Variants in DLGAP2 observed in about 807,000 individuals in gnomAD.
DLGAP2 encodes DLG associated protein 2.
Under a neutral mutation model 100.3 loss-of-function variants are expected in DLGAP2, and 26 were observed. The observed-to-expected ratio is 0.26, with a 90% confidence interval of 0.19 to 0.36. DLGAP2 has a LOEUF of 0.36. Among genes scored for constraint, DLGAP2 ranks in the 10% least tolerant of loss-of-function variants. DLGAP2 has a pLI of 1.00. For synonymous variants in DLGAP2, 886 were observed against 630.1 expected, an observed-to-expected ratio of 1.41 and a Z score of -6.08; for missense variants, 1,858 against 1,453.2, an observed-to-expected ratio of 1.28 and a Z score of -4.53.
intron 4 of DLGAP2, among the ~76,000 whole-genome samples, chr8:1,540,609 C>A (rs138060337): frequency 2.8e-4 from 42 of 152,316 alleles, no homozygotes; most frequent in African/African-American, 1.0e-3. Context: ...TCGGGTGTGG[C>A]TGCACAGCTC....
chr8:1,700,560 T>A (rs1799538048), intron 14 of DLGAP2, among the ~76,000 whole-genome samples: 1 of 152,232 alleles, frequency 6.6e-6, no homozygotes, highest in Admixed American at 6.5e-5. Context: ...CATACACGTA[T>A]TTTAGCGTGA....
At chr8:1,365,993 C>T (rs1357511216) in intron 3 of DLGAP2, among the ~76,000 whole-genome samples, 1 of 152,220 alleles carries the variant, frequency 6.6e-6, no homozygotes. Context: ...GGGAAACCTC[C>T]CCTCACGGCA....
At chr8:1,550,198 C>A (rs1801714829) in intron 5 of DLGAP2, among the ~76,000 whole-genome samples, 1 of 152,182 alleles carries the variant, frequency 6.6e-6, no homozygotes. Flanking sequence ...GGCAGATCTC[C>A]TTCTTTCAAA....
intron 3 of DLGAP2, among the ~76,000 whole-genome samples, chr8:1,449,937 C>T (rs74197563): frequency 2.3e-5 from 3 of 129,068 alleles, no homozygotes; most frequent in African/African-American, 6.2e-5. Context: ...GTGGCTGAGG[C>T]GGAGCTGTGA....
At chr8:785,390 C>T (rs1368936813) in intron 1 of DLGAP2, among the ~76,000 whole-genome samples, 1 of 149,934 alleles carries the variant, frequency 6.7e-6, no homozygotes, top group African/African-American at 2.4e-5. Context: ...CCCTCTGAGA[C>T]CGGCTTCTCT....
rs907358602 is a variant in DLGAP2, at chr8:1,701,448, C to T, written c.*42C>T. 5.8e-6 allele frequency: 9 copies of T among 1,539,132 alleles called. No individual in the cohort carries two copies. The highest frequency in any genetic ancestry group is 4.1e-5 in the African/African-American group (3 of 72,750). The stretch of plus-strand genomic sequence containing the variant: ...CTTCCCCTCGTCGCTTCCGCTTTCC[C>T]GGACGCTTGTGCAGCGCGGCGCCGC... On this transcript the variant is annotated 3_prime_UTR_variant, in exon 15 of 15. Coordinates refer to ENST00000637795, the MANE Select transcript of DLGAP2 (RefSeq NM_001346810.2).
intron 3 of DLGAP2, among the ~76,000 whole-genome samples, chr8:1,290,395 G>A (rs1800032533): frequency 6.6e-6 from 1 of 152,106 alleles, no homozygotes; most frequent in Admixed American, 6.5e-5. Context: ...TTGAACATCG[G>A]GCTGTCTGAC....
intron 3 of DLGAP2, among the ~76,000 whole-genome samples, chr8:1,417,732 GAA>G (rs1796970761): frequency 3.6e-4 from 5 of 13,864 alleles, no homozygotes; most frequent in Non-Finnish European, 6.4e-4. Context: ...TCCAGACACA[GAA>G]GCCCACGGAG....
chr8:1,234,649 C>T (rs943778100), intron 2 of DLGAP2, among the ~76,000 whole-genome samples: 1 of 152,174 alleles, frequency 6.6e-6, no homozygotes, highest in East Asian at 1.9e-4. Flanking sequence ...AATCCCGTCT[C>T]TGGAACAGAT....
chr8:1,377,035 G>A (rs563360130), intron 3 of DLGAP2, among the ~76,000 whole-genome samples: 12 of 152,338 alleles, frequency 7.9e-5, no homozygotes, highest in Admixed American at 2.6e-4. Flanking sequence ...GTTACTGTGC[G>A]CGGTCCCTGG....
intron 2 of DLGAP2, among the ~76,000 whole-genome samples, chr8:1,071,074 C>T (rs940632623): frequency 1.3e-5 from 2 of 152,212 alleles, no homozygotes; most frequent in Non-Finnish European, 2.9e-5. Flanking sequence ...TCGGGGGCGA[C>T]CCGGGCCTCT....
At chr8:1,597,618 CT>C (rs1412659050) in intron 6 of DLGAP2, among the ~76,000 whole-genome samples, 1 of 152,010 alleles carries the variant, frequency 6.6e-6, no homozygotes, top group Non-Finnish European at 1.5e-5. Context: ...GTATTTTATT[CT>C]CTTTGTAGCA....
chr8:952,023 C>T (rs1176502412), intron 2 of DLGAP2, among the ~76,000 whole-genome samples: 1 of 152,220 alleles, frequency 6.6e-6, no homozygotes, highest in Non-Finnish European at 1.5e-5. Context: ...CCCGGGAGTG[C>T]CCTCTCCCAG....
At chr8:1,142,425 A>T (rs1204268705) in intron 2 of DLGAP2, among the ~76,000 whole-genome samples, 1 of 152,242 alleles carries the variant, frequency 6.6e-6, no homozygotes, top group East Asian at 1.9e-4. Flanking sequence ...AGCTAGATGC[A>T]GTGTTCGCAC....
chr8:1,184,659 C>T (rs1797461328), intron 2 of DLGAP2, among the ~76,000 whole-genome samples: 1 of 152,078 alleles, frequency 6.6e-6, no homozygotes, highest in African/African-American at 2.4e-5. Context: ...CAGGCAGCAC[C>T]CTCGGAGTTT....
At chr8:1,086,593 A>G (rs976760519) in intron 2 of DLGAP2, among the ~76,000 whole-genome samples, 2 of 152,234 alleles carry the variant, frequency 1.3e-5, no homozygotes, top group African/African-American at 4.8e-5. Context: ...AATGGAAGTC[A>G]AAAGAGAGGA....
rs753983734 is a variant in DLGAP2 at position 1,668,364 on chromosome 8, C to T, written c.1846C>T (p.Pro616Ser). ...TACAAATTACAAGAAAACGCCCCCACCGGTGCCCCCTCGGACCACCTCCAA... is the reference window on the plus strand; with the variant it reads ...TACAAATTACAAGAAAACGCCCCCATCGGTGCCCCCTCGGACCACCTCCAA... The part of the protein sequence containing the change: ...SYTNYKKTPP[P>S]VPPRTTSKPL... The change falls in exon 9 of 15, where the codon CCG (proline) becomes TCG (serine). Residue 616 changes from proline (P) to serine (S), a missense_variant. By Grantham distance (74) the Pro-to-Ser change is moderately conservative. Transcript: ENST00000637795. 2 of 1,554,676 alleles carry T rather than the reference C, an allele frequency of 1.3e-6. No individual in the cohort carries two copies. The highest frequency in any genetic ancestry group is 1.7e-6 in the Non-Finnish European group (2 of 1,153,878).
intron 2 of DLGAP2, among the ~76,000 whole-genome samples, chr8:1,223,635 G>A (rs889452587): frequency 3.3e-5 from 5 of 152,130 alleles, no homozygotes; most frequent in African/African-American, 7.2e-5. Flanking sequence ...AGAGACATAC[G>A]CACTGATTTG....
At chr8:985,922 C>G (rs188694209) in intron 2 of DLGAP2, among the ~76,000 whole-genome samples, 2 of 152,096 alleles carry the variant, frequency 1.3e-5, no homozygotes, top group Non-Finnish European at 2.9e-5. Flanking sequence ...CTGGGCCTCC[C>G]TCCCTGAAGA....
Sources: gnomAD v4.1 joint callset for allele counts (sites outside exome capture counted in the v4.1 genomes callset) on GRCh38, gnomAD v4.1.1 for gene constraint, MANE v1.5 for transcripts, NCBI Gene and HGNC (gene_info 2026-07-23, HGNC 2026-07-21) for gene names.